RTL4: variants seen among roughly 807,000 people sequenced by gnomAD.
RTL4 encodes the protein retrotransposon Gag-like protein 4.
Under a neutral mutation model 5.3 loss-of-function variants are expected in RTL4, and 4 were observed. That is an observed-to-expected ratio of 0.75 (90% CI 0.37 to 1.72). The LOEUF is 1.72. Among genes scored for constraint, RTL4 ranks in the 40% most tolerant of loss-of-function variants. The probability of loss-of-function intolerance (pLI) is 0.04; values close to 1 mark genes in which losing one functional copy is unlikely to be tolerated. For synonymous variants in RTL4, 98 were observed against 87.3 expected, an observed-to-expected ratio of 1.12 and a Z score of -0.68; for missense variants, 260 against 227.1, an observed-to-expected ratio of 1.14 and a Z score of -0.93.
chrX:112,166,531 T>G, the RTL4 span, among the ~76,000 whole-genome samples: 118 of 111,510 alleles, frequency 1.1e-3, 1 homozygote, highest in African/African-American at 3.6e-3. Flanking sequence ...CTAGAGGAAG[T>G]GAGAAAGCAG....
the RTL4 span, among the ~76,000 whole-genome samples, chrX:112,321,193 C>T: frequency 9.0e-6 from 1 of 111,633 alleles, no homozygotes; most frequent in Non-Finnish European, 1.9e-5. Flanking sequence ...TTGCTACTAA[C>T]CTGACTATTC....
chrX:112,375,726 C>A, the RTL4 span, among the ~76,000 whole-genome samples: 1 of 111,511 alleles, frequency 9.0e-6, no homozygotes, highest in Admixed American at 9.5e-5. Context: ...GGGTACTTGT[C>A]AAAATTGATG....
At chrX:112,271,714 T>C in the RTL4 span, among the ~76,000 whole-genome samples, 1 of 112,133 alleles carries the variant, frequency 8.9e-6, no homozygotes, top group Non-Finnish European at 1.9e-5. Context: ...TGATGTGTTT[T>C]CTTATTTAGT....
chrX:112,139,561 G>C, the RTL4 span, among the ~76,000 whole-genome samples: 446 of 112,448 alleles, frequency 4.0e-3, 1 homozygote, highest in African/African-American at 0.014. Context: ...AACTGGTACT[G>C]TGGTGTTCTA....
chrX:112,211,440 G>T, the RTL4 span, among the ~76,000 whole-genome samples: 1 of 112,219 alleles, frequency 8.9e-6, no homozygotes, highest in Non-Finnish European at 1.9e-5. Flanking sequence ...GTTAGAATGT[G>T]CATTCGAACA....
chrX:112,257,087 T>C, the RTL4 span, among the ~76,000 whole-genome samples: 14 of 112,166 alleles, frequency 1.2e-4, no homozygotes, highest in Admixed American at 1.9e-4. Context: ...TTCAAAGATA[T>C]CACCCATCAG....
At chrX:112,242,353 G>T in the RTL4 span, among the ~76,000 whole-genome samples, 1 of 111,558 alleles carries the variant, frequency 9.0e-6, no homozygotes, top group East Asian at 2.8e-4. Context: ...CCATTCGTTT[G>T]TGTCCTCTTT....
the RTL4 span, among the ~76,000 whole-genome samples, chrX:112,244,378 C>G: frequency 9.0e-6 from 1 of 111,667 alleles, no homozygotes; most frequent in Admixed American, 9.5e-5. Flanking sequence ...CTGGGTACTC[C>G]TGTATTGGGT....
At chrX:112,137,902 C>T in the RTL4 span, among the ~76,000 whole-genome samples, 2 of 111,172 alleles carry the variant, frequency 1.8e-5, no homozygotes, top group African/African-American at 3.3e-5. Flanking sequence ...AGGGTGTATA[C>T]CCAAAGGAAT....
At chrX:112,122,930 AT>A in the RTL4 span, among the ~76,000 whole-genome samples, 1 of 111,363 alleles carries the variant, frequency 9.0e-6, no homozygotes, top group Admixed American at 9.6e-5. Flanking sequence ...TAGAGGTAAA[AT>A]TTTAACCTTT....
chrX:112,134,280 T>G, the RTL4 span, among the ~76,000 whole-genome samples: 1 of 112,219 alleles, frequency 8.9e-6, no homozygotes, highest in Non-Finnish European at 1.9e-5. Context: ...CAGTGCTTTG[T>G]GGAGTGGAGC....
the RTL4 span, among the ~76,000 whole-genome samples, chrX:112,172,521 G>A: frequency 1.6e-4 from 18 of 111,696 alleles, no homozygotes; most frequent in African/African-American, 5.5e-4. Flanking sequence ...GTGAGCTTGT[G>A]TAGAAAAAGG....
At chrX:112,392,518 G>C in the RTL4 span, among the ~76,000 whole-genome samples, 1 of 112,106 alleles carries the variant, frequency 8.9e-6, no homozygotes, top group Admixed American at 9.4e-5. Context: ...GAGGTGGCTG[G>C]AGACCCCAGT....
chrX:112,411,197 C>T, the RTL4 span, among the ~76,000 whole-genome samples: 3 of 111,406 alleles, frequency 2.7e-5, no homozygotes, highest in African/African-American at 9.8e-5. Context: ...CAAGGAACAA[C>T]ATCAAAGCTG....
chrX:112,432,557 T>C, the RTL4 span, among the ~76,000 whole-genome samples: 417 of 98,497 alleles, frequency 4.2e-3, 2 homozygotes, highest in African/African-American at 0.015. Context: ...TCATGTCCTT[T>C]GCCCACTTTT....
At chrX:112,292,015 T>C in the RTL4 span, among the ~76,000 whole-genome samples, 1 of 111,511 alleles carries the variant, frequency 9.0e-6, no homozygotes, top group Admixed American at 9.6e-5. Flanking sequence ...CAGGGTGATT[T>C]CTGGAGAAAT....
the RTL4 span, among the ~76,000 whole-genome samples, chrX:112,085,529 C>T: frequency 9.0e-6 from 1 of 111,719 alleles, no homozygotes. Flanking sequence ...AACCTCGATG[C>T]TATTGATATT....
the RTL4 span, among the ~76,000 whole-genome samples, chrX:112,377,514 A>G: frequency 8.9e-6 from 1 of 112,045 alleles, no homozygotes; most frequent in Non-Finnish European, 1.9e-5. Flanking sequence ...ACATATCACT[A>G]GCACAGGAAA....
At chrX:112,090,998 G>A in the RTL4 span, among the ~76,000 whole-genome samples, 1 of 110,793 alleles carries the variant, frequency 9.0e-6, no homozygotes, top group African/African-American at 3.3e-5. Context: ...TGTGTTTTTA[G>A]TAATTTTTCC....
Sources: gnomAD v4.1 joint callset for allele counts (sites outside exome capture counted in the v4.1 genomes callset) on GRCh38, gnomAD v4.1.1 for gene constraint, MANE v1.5 for transcripts, NCBI Gene and HGNC (gene_info 2026-07-23, HGNC 2026-07-21) for gene names.